The following IDUA variants were observed in gnomAD, a reference collection of about 807,000 sequenced individuals.
IDUA encodes the protein alpha-L-iduronidase.
A neutral mutation model predicts 68.9 loss-of-function variants in IDUA; 65 were observed. The observed-to-expected ratio is 0.94, with a 90% CI of 0.77 to 1.16. The LOEUF is 1.16. Among genes scored for constraint, IDUA ranks in the 50% most tolerant of loss-of-function variants. The pLI is 0.00. For synonymous variants in IDUA, 529 were observed against 433.6 expected, an observed-to-expected ratio of 1.22 and a Z score of -2.73; for missense variants, 1,046 against 938.0, an observed-to-expected ratio of 1.12 and a Z score of -1.50.
At chr4:995,704 G>T (rs1714705706) in intron 2 of IDUA, among the ~76,000 whole-genome samples, 1 of 152,228 alleles carries the variant, frequency 6.6e-6, no homozygotes. Flanking sequence ...ACATTGATGG[G>T]GCACAGCCCC....
At position 989,009 on chromosome 4, in the gene IDUA, G is replaced by C. The variant is rs777429756; in HGVS notation, c.299+1060G>C. On this transcript the variant is annotated intron_variant, in intron 2 of 13. Transcript: ENST00000514224. The stretch of plus-strand genomic sequence containing the variant: ...GGCGGGCTGCAGCAGGCTAGCAGCA[G>C]GCTGATGCCCAGGGCCCCGTAGTCT... 3 of 1,590,352 alleles carry C rather than the reference G, an allele frequency of 1.9e-6. No individual in the cohort carries two copies. In the South Asian group the frequency reaches 3.4e-5, roughly 18 times the overall value.
chr4:995,363 A>G (rs1714685212), intron 2 of IDUA, among the ~76,000 whole-genome samples: 1 of 152,158 alleles, frequency 6.6e-6, no homozygotes, highest in African/African-American at 2.4e-5. Flanking sequence ...CAAAAAAAAA[A>G]AAAAAATTCC....
chr4:987,099 C>T lies in IDUA; in HGVS notation c.15C>T (p.Arg5=), dbSNP rs750154430. MRPL[R]PRAALLALLA... is the part of the protein sequence containing the mutation. ...CACGCGTGGCCATGCGTCCCCTGCG[C>T]CCCCGCGCCGCGCTGCTGGCGCTCC... The change falls in exon 1 of 14, where the codon CGC becomes CGT. Residue 5 remains arginine, a synonymous_variant. Transcript: ENST00000514224. 3.4e-6 allele frequency: 5 copies of T among 1,463,888 alleles called. No homozygotes were observed. The South Asian group carries it at 5.2e-5, about 15-fold the overall frequency. 90.7% of individuals were successfully genotyped at this position (1,463,888 alleles called of 1,614,324 possible). A position where few individuals can be genotyped will look rare whatever the true frequency, so the allele number is the denominator to read the frequency against.
At chr4:990,465 C>T in intron 2 of IDUA, 1 of 1,144,516 alleles carries the variant, frequency 8.7e-7, no homozygotes, top group Non-Finnish European at 1.2e-6. Flanking sequence ...GGCACAGGAC[C>T]TGACAATTCT....
Position 1,002,403 on chromosome 4 carries a change from C to T in IDUA, c.1107C>T (p.Phe369=), listed in dbSNP as rs769568236. The change falls in exon 8 of 14, where the codon TTC becomes TTT. Residue 369 remains phenylalanine (F), a synonymous_variant. Coordinates refer to ENST00000514224, the MANE Select transcript of IDUA (RefSeq NM_000203.5). ...CGCAGCGCACGCTCACCGCGCGCTT[C>T]CAGGTCAACAACACCCGCCCGCCGC... ...PFAQRTLTAR[F]QVNNTRPPHV... is the part of the protein sequence containing the mutation. 1.9e-6 allele frequency: 3 copies of T among 1,598,046 alleles called. No individual in the cohort carries two copies. In the Admixed American group the frequency reaches 5.2e-5, roughly 28 times the overall value.
At chr4:989,316 G>A (rs1714027067) in intron 2 of IDUA, 5 of 1,611,398 alleles carry the variant, frequency 3.1e-6, no homozygotes, top group Non-Finnish European at 4.2e-6. Context: ...GCCCCCCAAA[G>A]CGGAACACCC....
chr4:998,516 G>A (rs1052634187), intron 2 of IDUA, among the ~76,000 whole-genome samples: 2 of 152,142 alleles, frequency 1.3e-5, no homozygotes, highest in East Asian at 1.9e-4. Flanking sequence ...CGTGGCGTCC[G>A]CAGGAAGCCC....
intron 2 of IDUA, chr4:988,487 A>G: frequency 8.9e-7 from 1 of 1,124,332 alleles, no homozygotes; most frequent in East Asian, 5.5e-5. Context: ...GGCACCTTGG[A>G]GGCTGCATGA....
At chr4:987,015 C>T, upstream of IDUA, 1 of 1,464,354 alleles carries the variant, frequency 6.8e-7, no homozygotes, top group Admixed American at 2.1e-5. Flanking sequence ...GGGTGCGCGC[C>T]CAGACTCCGA....
rs770967204 is a variant in IDUA at position 1,000,997 on chromosome 4, A to G, written c.493+8A>G. The G allele has an allele frequency of 7.5e-6, 12 of 1,599,432 alleles. No homozygotes were observed. The South Asian group carries it at 1.3e-4, about 18-fold the overall frequency. On this transcript the variant is annotated splice_region_variant and intron_variant, in intron 4 of 13. Coordinates refer to ENST00000514224, the MANE Select transcript of IDUA (RefSeq NM_000203.5). ...TGGCCAGGAGATACATCGGTGGGCG[A>G]GCGCAGGCCCTGGGGCCCTGGCCGG... is the stretch of plus-strand genomic sequence containing the variant.
At chr4:1,003,007 A>G in intron 9 of IDUA, 29 bp from the exon 10 acceptor site, 1 of 1,439,566 alleles carries the variant, frequency 6.9e-7, no homozygotes, top group East Asian at 3.0e-5. Context: ...CGGCCCGGGG[A>G]GCCGAGGCCT....
chr4:994,791 G>C (rs1476137003), intron 2 of IDUA, among the ~76,000 whole-genome samples: 2 of 152,044 alleles, frequency 1.3e-5, no homozygotes, highest in Admixed American at 1.3e-4. Flanking sequence ...GCTGGGTGTG[G>C]TGGTGTGTGC....
Position 1,002,262 on chromosome 4 carries a change from C to G in IDUA, c.973-7C>G. ...CACCCGGTCCCAGCTGCCCTGGACA[C>G]CCGCAGGTCATCGCGCAGCATCAGA... On this transcript the variant is annotated splice_region_variant and splice_polypyrimidine_tract_variant and intron_variant, in intron 7 of 13. Transcript: ENST00000514224. The G allele has an allele frequency of 6.2e-7, 1 of 1,608,662 alleles. No individual in the cohort carries two copies. Among genetic ancestry groups the G allele is most frequent in the Non-Finnish European group, 8.5e-7 (1 of 1,178,010 alleles).
At chr4:991,566 GA>G in intron 2 of IDUA, 1 of 1,603,280 alleles carries the variant, frequency 6.2e-7, no homozygotes, top group Non-Finnish European at 8.5e-7. Context: ...CCAGCGCCCG[GA>G]CGCACAGCAC....
chr4:1,002,276 C>G lies in IDUA; in HGVS notation c.980C>G (p.Ala327Gly). 1 of 1,611,188 alleles carries G rather than the reference C, an allele frequency of 6.2e-7. No homozygotes were observed. The highest frequency in any genetic ancestry group is 8.5e-7 in the Non-Finnish European group (1 of 1,179,020). Residue 327 changes from alanine to glycine, a missense_variant, in exon 8 of 14, where the codon GCG becomes GGG. Physicochemically the swap from Ala to Gly is moderately conservative, Grantham distance 60. Transcript: ENST00000514224. ...TYAAMVVKVI[A>G]QHQNLLLANT... ...TGCCCTGGACACCCGCAGGTCATCG[C>G]GCAGCATCAGAACCTGCTACTGGCC...
chr4:987,862 A>G lies in IDUA; in HGVS notation c.212A>G (p.Gln71Arg). Residue 71 changes from glutamine to arginine, a missense_variant, in exon 2 of 14, where the codon CAG (glutamine) becomes CGG (arginine). Gln to Arg is a conservative substitution (Grantham distance 43). Transcript: ENST00000514224. Reference protein sequence around the residue: ...ADQYVLSWDQQLNLAYVGAVP... With the variant: ...ADQYVLSWDQRLNLAYVGAVP... ...CAGTACGTCCTCAGCTGGGACCAGC[A>G]GCTCAACCTCGCCTATGTGGGCGCC... 2 of 1,612,442 alleles carry G rather than the reference A, an allele frequency of 1.2e-6. No homozygotes were observed. Among genetic ancestry groups the G allele is most frequent in the Non-Finnish European group, 8.5e-7 (1 of 1,179,840 alleles).
In IDUA at chr4:995,205, C is replaced by T. The variant is rs371086763; in HGVS notation, c.300-5407C>T. Reference sequence around the variant, plus strand: ...GACTACAGGCGTGTGCCACCACGCCCGGCTAATTTTTGTATTTTTAGTAGA... The same window carrying T: ...GACTACAGGCGTGTGCCACCACGCCTGGCTAATTTTTGTATTTTTAGTAGA... On this transcript the variant is annotated intron_variant, in intron 2 of 13. Transcript: ENST00000514224. 3.3e-5 allele frequency among the ~76,000 whole-genome samples: 5 copies of T among 152,160 alleles called. No individual in the cohort carries two copies. In the East Asian group the frequency reaches 7.7e-4, roughly 24 times the overall value.
At chr4:994,744 G>T (rs1254666175) in intron 2 of IDUA, among the ~76,000 whole-genome samples, 1 of 148,482 alleles carries the variant, frequency 6.7e-6, no homozygotes, top group Non-Finnish European at 1.5e-5. Context: ...GCCGCCCCCT[G>T]CCCCCCAACC....
At chr4:990,083 G>A (rs1714146330) in intron 2 of IDUA, 2 of 1,598,506 alleles carry the variant, frequency 1.3e-6, no homozygotes, top group African/African-American at 1.3e-5. Context: ...CTCAGGCGGT[G>A]TCGGTAGCGG....
Sources: allele counts gnomAD v4.1 joint callset (sites outside exome capture counted in the v4.1 genomes callset), GRCh38; gene constraint gnomAD v4.1.1; transcripts MANE v1.5; gene names NCBI Gene and HGNC (gene_info 2026-07-23, HGNC 2026-07-21).